Variants in CFAP141 observed in about 807,000 individuals in gnomAD.
CFAP141 encodes the protein cilia- and flagella-associated protein 141.
chr1:154,203,434 A>G, the CFAP141 span, among the ~76,000 whole-genome samples: 2 of 148,930 alleles, frequency 1.3e-5, no homozygotes, highest in African/African-American at 4.9e-5. Flanking sequence ...TAACTTTTGC[A>G]TATATATTTT....
the CFAP141 span, among the ~76,000 whole-genome samples, chr1:154,204,639 T>G: frequency 6.6e-6 from 1 of 152,036 alleles, no homozygotes; most frequent in South Asian, 2.1e-4. Flanking sequence ...AATGCAGTGG[T>G]GGCATCACTT....
At chr1:154,199,608 C>G in the CFAP141 span, 4 of 946,354 alleles carry the variant, frequency 4.2e-6, no homozygotes, top group South Asian at 6.7e-5. Context: ...AGTTGTTTTC[C>G]CATTATTTGT....
the CFAP141 span, chr1:154,206,146 C>T: frequency 1.1e-6 from 1 of 872,980 alleles, no homozygotes; most frequent in Non-Finnish European, 2.0e-6. Context: ...CAGCCTCCCA[C>T]TCCTGTTACT....
the CFAP141 span, chr1:154,205,789 C>G: frequency 1.5e-6 from 1 of 665,254 alleles, no homozygotes; most frequent in Admixed American, 2.6e-5. Context: ...ACCGCAATCT[C>G]CGCCTCCCGG....
the CFAP141 span, chr1:154,205,582 G>T: frequency 6.2e-7 from 1 of 1,612,158 alleles, no homozygotes; most frequent in Admixed American, 1.7e-5. Context: ...AAAGGGAGGG[G>T]ATAGAAGCAG....
At chr1:154,202,619 T>C in the CFAP141 span, among the ~76,000 whole-genome samples, 5 of 147,624 alleles carry the variant, frequency 3.4e-5, no homozygotes, top group African/African-American at 1.3e-4. Flanking sequence ...ACTAACACGG[T>C]GAAACCCCGT....
At chr1:154,205,606 C>A in the CFAP141 span, 2 of 1,613,816 alleles carry the variant, frequency 1.2e-6, no homozygotes, top group African/African-American at 1.3e-5. Flanking sequence ...ACCTGTCGAC[C>A]GTCTTCTTAA....
chr1:154,205,225 G>A, the CFAP141 span, among the ~76,000 whole-genome samples: 2 of 152,104 alleles, frequency 1.3e-5, no homozygotes, highest in African/African-American at 2.4e-5. Context: ...AAAAGGATAC[G>A]TAGCCCAGTC....
chr1:154,201,374 T>G, the CFAP141 span, among the ~76,000 whole-genome samples: 3 of 150,168 alleles, frequency 2.0e-5, no homozygotes, highest in Non-Finnish European at 2.9e-5. Context: ...ATGGCAGACC[T>G]GGGACTCAAA....
the CFAP141 span, among the ~76,000 whole-genome samples, chr1:154,205,234 T>G: frequency 6.6e-6 from 1 of 152,190 alleles, no homozygotes; most frequent in Non-Finnish European, 1.5e-5. Flanking sequence ...CGTAGCCCAG[T>G]CTTGTGAATC....
the CFAP141 span, among the ~76,000 whole-genome samples, chr1:154,201,280 G>A: frequency 1.3e-5 from 2 of 152,146 alleles, no homozygotes; most frequent in South Asian, 2.1e-4. Flanking sequence ...ACAGGCATGC[G>A]CCACCGCGCC....
chr1:154,200,384 G>A, the CFAP141 span: 2 of 1,515,144 alleles, frequency 1.3e-6, no homozygotes, highest in Non-Finnish European at 1.8e-6. Flanking sequence ...CACACACTAA[G>A]AGCTTGGAAA....
chr1:154,204,488 C>T, the CFAP141 span, among the ~76,000 whole-genome samples: 1 of 152,138 alleles, frequency 6.6e-6, no homozygotes, highest in South Asian at 2.1e-4. Context: ...GCCATGTTGC[C>T]CAGGCTGGTC....
chr1:154,199,224 A>T, the CFAP141 span: 2 of 364,988 alleles, frequency 5.5e-6, no homozygotes, highest in African/African-American at 2.1e-5. Context: ...TCTTGTTGTT[A>T]CTGTTGTTTC....
At chr1:154,201,320 A>G in the CFAP141 span, among the ~76,000 whole-genome samples, 1 of 150,464 alleles carries the variant, frequency 6.6e-6, no homozygotes, top group African/African-American at 2.5e-5. Flanking sequence ...TTTACATGAT[A>G]CAGGTAAGGA....
chr1:154,205,022 C>T, the CFAP141 span, among the ~76,000 whole-genome samples: 1 of 151,862 alleles, frequency 6.6e-6, no homozygotes, highest in Non-Finnish European at 1.5e-5. Flanking sequence ...GCTGGGACTA[C>T]AGGCGCACAC....
At chr1:154,199,316 C>G in the CFAP141 span, 6 of 689,032 alleles carry the variant, frequency 8.7e-6, no homozygotes, top group Non-Finnish European at 1.5e-5. Flanking sequence ...AAGTCCCTGA[C>G]AGATAGCAAG....
chr1:154,199,368 T>C, the CFAP141 span: 1 of 1,197,898 alleles, frequency 8.3e-7, no homozygotes, highest in Admixed American at 2.0e-5. Context: ...GTGGTAGAGG[T>C]TCTAGAAGGC....
the CFAP141 span, chr1:154,199,551 G>C: frequency 6.7e-7 from 1 of 1,492,652 alleles, no homozygotes; most frequent in Non-Finnish European, 9.2e-7. Flanking sequence ...GCAGAATAGA[G>C]TGTGTTGTTT....
Sources: gnomAD v4.1 joint callset for allele counts (sites outside exome capture counted in the v4.1 genomes callset) on GRCh38, gnomAD v4.1.1 for gene constraint, MANE v1.5 for transcripts, NCBI Gene and HGNC (gene_info 2026-07-23, HGNC 2026-07-21) for gene names.